Variants in PPM1D observed in about 807,000 individuals in gnomAD.
PPM1D encodes the protein protein phosphatase 1D.
A neutral mutation model predicts 58.3 loss-of-function variants in PPM1D; 52 were observed. That is an observed-to-expected ratio of 0.89 (90% CI 0.71 to 1.12). The LOEUF is 1.12. Ranked by LOEUF, PPM1D falls within the 50% of genes most tolerant of loss-of-function variation. The probability of loss-of-function intolerance (pLI) is 0.00; values close to 1 mark genes in which losing one functional copy is unlikely to be tolerated. For missense variants in PPM1D, 564 were observed against 777.2 expected, an observed-to-expected ratio of 0.73 and a Z score of 3.26; for synonymous variants, 278 against 285.1, an observed-to-expected ratio of 0.98 and a Z score of 0.25.
intron 3 of PPM1D, among the ~76,000 whole-genome samples, chr17:60,642,516 T>C (rs1311750223): frequency 6.6e-6 from 1 of 152,040 alleles, no homozygotes; most frequent in African/African-American, 2.4e-5. Flanking sequence ...TGGAGTGCAG[T>C]GGCGCGATCT....
intron 3 of PPM1D, among the ~76,000 whole-genome samples, chr17:60,635,290 A>T (rs1356309509): frequency 1.3e-5 from 2 of 150,924 alleles, no homozygotes; most frequent in African/African-American, 4.9e-5. Context: ...GTCTCGGCTC[A>T]CTGTAACCTC....
intron 4 of PPM1D, 81 bp downstream of exon 4, chr17:60,648,163 G>A: frequency 6.9e-7 from 1 of 1,444,764 alleles, no homozygotes; most frequent in Non-Finnish European, 9.3e-7. Context: ...TATGAACTAA[G>A]GACATTGACC....
At chr17:60,632,531 C>T (rs1389869732) in intron 2 of PPM1D, among the ~76,000 whole-genome samples, 1 of 152,104 alleles carries the variant, frequency 6.6e-6, no homozygotes, top group Non-Finnish European at 1.5e-5. Context: ...TGCACCACTG[C>T]ACTCCAGCCT....
intron 1 of PPM1D, among the ~76,000 whole-genome samples, chr17:60,609,295 A>G (rs1468830271): frequency 3.5e-5 from 5 of 143,976 alleles, no homozygotes; most frequent in African/African-American, 5.2e-5. Flanking sequence ...GGGTTTCACC[A>G]TGTTGGCCAG....
At chr17:60,648,217 A>G (rs1372220401) in intron 4 of PPM1D, 135 bp downstream of exon 4, 3 of 840,916 alleles carry the variant, frequency 3.6e-6, no homozygotes, top group Non-Finnish European at 5.3e-6. Context: ...AGTGGGTAAA[A>G]CATAGGCTTT....
intron 2 of PPM1D, among the ~76,000 whole-genome samples, chr17:60,632,723 C>T (rs1034148431): frequency 3.3e-5 from 5 of 152,166 alleles, no homozygotes; most frequent in Non-Finnish European, 7.3e-5. Context: ...TGGTGGCCCA[C>T]GTGGTGGCTC....
At chr17:60,654,228 T>G (rs2031393146) in intron 4 of PPM1D, among the ~76,000 whole-genome samples, 2 of 151,486 alleles carry the variant, frequency 1.3e-5, no homozygotes, top group Admixed American at 1.3e-4. Flanking sequence ...CATAAAGTGA[T>G]GTTCAATTTT....
intron 2 of PPM1D, 117 bp from the exon 3 acceptor site, chr17:60,633,736 A>T (rs1330413178): frequency 2.6e-6 from 3 of 1,134,734 alleles, no homozygotes; most frequent in Admixed American, 5.7e-5. Flanking sequence ...TTTGAAACAC[A>T]TAAGACATTA....
At position 60,663,272 on chromosome 17, in the gene PPM1D, T is replaced by C. The variant is rs2031561688; in HGVS notation, c.1538T>C (p.Leu513Ser). ...AACACTGTCATGGACCAAAAAAATT[T>C]GAAGATGTCAACTCCTGGCCAAATG... ...STNTVMDQKN[L>S]KMSTPGQMKA... Residue 513 changes from leucine (L) to serine (S), a missense_variant, in exon 6 of 6, where the codon TTG becomes TCG. Around this residue, in one of 7 missense-constraint regions of PPM1D, gnomAD observed 261 missense variants for 270.1 expected, o/e 0.97. Coordinates refer to ENST00000305921, the MANE Select transcript of PPM1D (RefSeq NM_003620.4). 6.2e-7 allele frequency: 1 copy of C among 1,614,160 alleles called. No homozygotes were observed. The highest frequency in any genetic ancestry group is 8.5e-7 in the Non-Finnish European group (1 of 1,180,040).
At chr17:60,615,480 C>T (rs925013290) in intron 1 of PPM1D, among the ~76,000 whole-genome samples, 6 of 150,614 alleles carry the variant, frequency 4.0e-5, no homozygotes, top group Admixed American at 2.0e-4. Flanking sequence ...ATGCACTTCT[C>T]GTTTTATGTC....
chr17:60,603,944 TC>T (rs897315306), intron 1 of PPM1D, among the ~76,000 whole-genome samples: 45 of 152,054 alleles, frequency 3.0e-4, no homozygotes, highest in Non-Finnish European at 6.0e-4. Flanking sequence ...GTAGCTATTT[TC>T]CCCCCCAGAG....
In PPM1D at chr17:60,663,806, A is replaced by G. The variant is rs2031574908; in HGVS notation, c.*254A>G. 2.4e-6 allele frequency: 1 copy of G among 414,276 alleles called. No individual in the cohort carries two copies. Among genetic ancestry groups the G allele is most frequent in the Non-Finnish European group, 4.4e-6 (1 of 228,360 alleles). 25.7% of individuals were successfully genotyped at this position (414,276 alleles called of 1,614,324 possible). A position where few individuals can be genotyped will look rare whatever the true frequency, so the allele number is the denominator to read the frequency against. On this transcript the variant is annotated 3_prime_UTR_variant, in exon 6 of 6. Coordinates refer to ENST00000305921, the MANE Select transcript of PPM1D (RefSeq NM_003620.4). Reference sequence around the variant, plus strand: ...ACACAAATTCAGTCTCTGAATACACAGTATTCAGAGTCTCTGATACACAGT... The same window carrying G: ...ACACAAATTCAGTCTCTGAATACACGGTATTCAGAGTCTCTGATACACAGT...
At chr17:60,644,270 C>G (rs779277634) in intron 3 of PPM1D, among the ~76,000 whole-genome samples, 10 of 151,694 alleles carry the variant, frequency 6.6e-5, no homozygotes, top group Admixed American at 1.3e-4. Context: ...TTAAAAATGA[C>G]TAAAAAATGA....
At chr17:60,614,860 C>T (rs909191275) in intron 1 of PPM1D, among the ~76,000 whole-genome samples, 4 of 152,090 alleles carry the variant, frequency 2.6e-5, no homozygotes, top group Admixed American at 2.0e-4. Context: ...CGAACACATC[C>T]GAACATCAGA....
Position 60,636,290 on chromosome 17 carries a change from A to G in PPM1D, c.826+2313A>G, listed in dbSNP as rs1403998985. On this transcript the variant is annotated intron_variant, in intron 3 of 5. Transcript: ENST00000305921. ...ATTTGTGGATGTATTTTAAAAGCATATAGTTCCTACTTCTTCATGATTGTT... is the reference window on the plus strand; with the variant it reads ...ATTTGTGGATGTATTTTAAAAGCATGTAGTTCCTACTTCTTCATGATTGTT... 3.9e-5 allele frequency among the ~76,000 whole-genome samples: 6 copies of G among 152,230 alleles called. No individual in the cohort carries two copies. The South Asian group carries it at 8.3e-4, about 21-fold the overall frequency.
chr17:60,616,986 C>T (rs189772831), intron 1 of PPM1D, among the ~76,000 whole-genome samples: 6 of 152,178 alleles, frequency 3.9e-5, no homozygotes, highest in East Asian at 3.9e-4. Flanking sequence ...CTTGCTCTGT[C>T]GCCCAGGCTG....
At position 60,663,372 on chromosome 17, in the gene PPM1D, GA is replaced by G; in HGVS notation, c.1639del (p.Met547Ter). The stretch of plus-strand genomic sequence containing the variant: ...TAGAAGAGTCCAATTCTGGCCCCCT[GA>G]TGAAGAAGCATAGACGAAATGGCTT... ...TLEESNSGPL[M>X]KKHRRNGLSR... On this transcript the variant is annotated frameshift_variant, in exon 6 of 6. Coordinates refer to ENST00000305921, the MANE Select transcript of PPM1D (RefSeq NM_003620.4). LOFTEE classifies it high-confidence loss of function. 6.2e-7 allele frequency: 1 copy of G among 1,614,168 alleles called. No individual in the cohort carries two copies.
At chr17:60,608,811 T>C (rs2143625640) in intron 1 of PPM1D, among the ~76,000 whole-genome samples, 1 of 151,356 alleles carries the variant, frequency 6.6e-6, no homozygotes, top group South Asian at 2.1e-4. Flanking sequence ...GCAGTGGCGC[T>C]ATCTTGGCTC....
intron 1 of PPM1D, among the ~76,000 whole-genome samples, chr17:60,603,892 A>G (rs1013923691): frequency 6.6e-6 from 1 of 152,276 alleles, no homozygotes; most frequent in Non-Finnish European, 1.5e-5. Flanking sequence ...GAAATATTTT[A>G]TTAGTCTTTT....
Sources: allele counts gnomAD v4.1 joint callset (sites outside exome capture counted in the v4.1 genomes callset), GRCh38; gene constraint gnomAD v4.1.1; regional missense constraint gnomAD v4.1.1; transcripts MANE v1.5; gene names NCBI Gene and HGNC (gene_info 2026-07-23, HGNC 2026-07-21).